The following CHD6 variants were observed in gnomAD, a reference collection of about 807,000 sequenced individuals.
CHD6 encodes the protein chromodomain helicase DNA binding protein 6, also known as ATP-dependent chromatin remodeler CHD6.
A neutral mutation model predicts 276.9 loss-of-function variants in CHD6; 50 were observed. That is an observed-to-expected ratio of 0.18 (90% CI 0.14 to 0.23). The LOEUF (loss-of-function observed/expected upper bound fraction) is 0.23. CHD6 is among the 10% of genes least tolerant of loss of function. CHD6 has a pLI of 1.00. For missense variants in CHD6, 2,564 were observed against 3,365.8 expected (o/e 0.76, Z 5.89); for synonymous variants, 1,173 against 1,229.3 (o/e 0.95, Z 0.96).
chr20:41,585,766 A>C (rs2045588043), intron 1 of CHD6, among the ~76,000 whole-genome samples: 1 of 152,226 alleles, frequency 6.6e-6, no homozygotes, highest in Admixed American at 6.5e-5. Context: ...CAGCAAATAC[A>C]AGAAACCATC....
At chr20:41,603,753 G>A (rs1225328685) in intron 1 of CHD6, among the ~76,000 whole-genome samples, 2 of 152,118 alleles carry the variant, frequency 1.3e-5, no homozygotes, top group African/African-American at 2.4e-5. Context: ...TGTAATCCCA[G>A]CTACTTGAGA....
intron 1 of CHD6, among the ~76,000 whole-genome samples, chr20:41,615,811 T>C (rs1414577215): frequency 1.3e-5 from 2 of 152,238 alleles, no homozygotes; most frequent in Non-Finnish European, 1.5e-5. Flanking sequence ...AAGCCTGATG[T>C]TGTGGAACCT....
chr20:41,555,924 G>A (rs563656152), intron 1 of CHD6, among the ~76,000 whole-genome samples: 3,077 of 152,288 alleles, frequency 0.02, 54 homozygotes, highest in Non-Finnish European at 0.033. Flanking sequence ...AGGTTGTAGC[G>A]AGCCGAGATC....
intron 5 of CHD6, among the ~76,000 whole-genome samples, chr20:41,503,940 T>C (rs1214200859): frequency 4.0e-5 from 6 of 151,726 alleles, no homozygotes; most frequent in East Asian, 1.9e-4. Context: ...TAGCTGGGCA[T>C]AGTGGCGCAC....
At chr20:41,508,819 GA>G (rs1199294363) in intron 5 of CHD6, among the ~76,000 whole-genome samples, 4 of 151,948 alleles carry the variant, frequency 2.6e-5, no homozygotes, top group African/African-American at 9.7e-5. Context: ...TACCAGTGAG[GA>G]AAAAATGCCA....
At chr20:41,531,917 C>T (rs923037829) in intron 3 of CHD6, among the ~76,000 whole-genome samples, 4 of 152,154 alleles carry the variant, frequency 2.6e-5, no homozygotes, top group African/African-American at 9.7e-5. Flanking sequence ...CCACATCAGT[C>T]TGTGTTTTTT....
At chr20:41,535,513 G>C (rs527327526) in intron 2 of CHD6, among the ~76,000 whole-genome samples, 1 of 152,154 alleles carries the variant, frequency 6.6e-6, no homozygotes. Context: ...ACCTCCTGGG[G>C]AACTACAATG....
intron 16 of CHD6, 125 bp downstream of exon 16, chr20:41,483,184 A>T (rs1359232098): frequency 7.5e-6 from 6 of 805,112 alleles, no homozygotes; most frequent in Non-Finnish European, 1.1e-5. Context: ...TATCTTTAAA[A>T]GGAGATTCCT....
At chr20:41,423,988 C>A (rs1408700600) in intron 29 of CHD6, among the ~76,000 whole-genome samples, 1 of 152,178 alleles carries the variant, frequency 6.6e-6, no homozygotes, top group Non-Finnish European at 1.5e-5. Context: ...TCTCTTGATT[C>A]ATCAATTTTA....
intron 1 of CHD6, among the ~76,000 whole-genome samples, chr20:41,584,725 A>G (rs2045575391): frequency 6.6e-6 from 1 of 152,206 alleles, no homozygotes; most frequent in Non-Finnish European, 1.5e-5. Context: ...TCAAAAAGGA[A>G]GTAACAAGGG....
chr20:41,520,320 G>C (rs2044359121), intron 3 of CHD6, among the ~76,000 whole-genome samples: 2 of 152,086 alleles, frequency 1.3e-5, no homozygotes, highest in South Asian at 2.1e-4. Context: ...CCCATTACTG[G>C]GTATATATCC....
At chr20:41,476,881 T>A (rs79136649) in intron 16 of CHD6, among the ~76,000 whole-genome samples, 5,640 of 152,156 alleles carry the variant, frequency 0.037, 116 homozygotes, top group Middle Eastern at 0.065. Flanking sequence ...TGTGTATGTA[T>A]GTATACATAC....
At position 41,555,128 on chromosome 20, in the gene CHD6, CCCGACGGGGCGG is replaced by C. The variant is rs1601136346; in HGVS notation, c.-23-3780_-23-3769del. On this transcript the variant is annotated intron_variant, in intron 1 of 36. Coordinates refer to ENST00000373233, the MANE Select transcript of CHD6 (RefSeq NM_032221.5). The stretch of plus-strand genomic sequence containing the variant: ...GGGGGCTGACCCCCCCACCTCCCTC[CCCGACGGGGCGG>C]CTGGCCGGGCAGAGGGGCTCCTCAC... Among the ~76,000 whole-genome samples the C allele has an allele frequency of 2.1e-5, 3 of 144,230 alleles. No homozygotes were observed. In the South Asian group the frequency reaches 6.6e-4, roughly 32 times the overall value. 94.6% of individuals were successfully genotyped at this position (144,230 alleles called of 152,430 possible).
intron 34 of CHD6, chr20:41,413,817 T>G: frequency 4.4e-6 from 1 of 225,336 alleles, no homozygotes; most frequent in Non-Finnish European, 8.7e-6. Flanking sequence ...CTGCCCACTG[T>G]CCCAGGCAGC....
At chr20:41,611,391 G>A (rs1001128278) in intron 1 of CHD6, among the ~76,000 whole-genome samples, 1 of 151,994 alleles carries the variant, frequency 6.6e-6, no homozygotes, top group African/African-American at 2.4e-5. Context: ...TCTCATCCTC[G>A]GTCATACTAG....
At chr20:41,601,758 T>A (rs1338469069) in intron 1 of CHD6, among the ~76,000 whole-genome samples, 1 of 152,176 alleles carries the variant, frequency 6.6e-6, no homozygotes. Context: ...GAACCCAAAA[T>A]TTCATGTGGT....
At position 41,499,393 on chromosome 20, in the gene CHD6, G is replaced by A. The variant is rs758929404; in HGVS notation, c.853-36C>T. 3 of 1,482,770 alleles carry A rather than the reference G, an allele frequency of 2.0e-6. No individual in the cohort carries two copies. The Admixed American group carries it at 5.9e-5, about 29-fold the overall frequency. The allele number at this position is 1,482,770 out of a possible 1,614,324, so 91.9% of individuals were successfully genotyped here. A position where few individuals can be genotyped will look rare whatever the true frequency, so the allele number is the denominator to read the frequency against. ...AGATAAAAAAAAAAGAAAATTGCTG[G>A]AACCACAGAATCCAAGAAAACAATT... is the stretch of plus-strand genomic sequence containing the variant. On this transcript the variant is annotated intron_variant, in intron 5 of 36. Coordinates refer to ENST00000373233, the MANE Select transcript of CHD6 (RefSeq NM_032221.5).
intron 2 of CHD6, among the ~76,000 whole-genome samples, chr20:41,550,214 C>T (rs1412476685): frequency 6.6e-6 from 1 of 152,310 alleles, no homozygotes; most frequent in Non-Finnish European, 1.5e-5. Flanking sequence ...TGCTATCATA[C>T]ATGAAACAGC....
intron 1 of CHD6, among the ~76,000 whole-genome samples, chr20:41,610,830 G>A (rs901519673): frequency 6.6e-6 from 1 of 152,096 alleles, no homozygotes; most frequent in Non-Finnish European, 1.5e-5. Context: ...GAAATACTTT[G>A]TATGGTAAAA....
Sources: gnomAD v4.1 joint callset for allele counts (sites outside exome capture counted in the v4.1 genomes callset) on GRCh38, gnomAD v4.1.1 for gene constraint, MANE v1.5 for transcripts, NCBI Gene and HGNC (gene_info 2026-07-23, HGNC 2026-07-21) for gene names.